PLCB1: variants seen among roughly 807,000 people sequenced by gnomAD.
PLCB1 encodes 1-phosphatidylinositol 4,5-bisphosphate phosphodiesterase beta-1.
In PLCB1, 46 loss-of-function variants were observed where a neutral mutation model predicts 161.8. The observed-to-expected ratio is 0.28, with a 90% confidence interval of 0.22 to 0.36. The LOEUF (loss-of-function observed/expected upper bound fraction) is 0.36, where lower values mean the gene tolerates loss of function less well. Among genes scored for constraint, PLCB1 ranks in the 10% least tolerant of loss-of-function variants. The probability of loss-of-function intolerance (pLI) is 1.00; values close to 1 mark genes in which losing one functional copy is unlikely to be tolerated. For missense variants in PLCB1, 1,016 were observed against 1,472.5 expected (o/e 0.69, Z 5.07); for synonymous variants, 517 against 503.7 (o/e 1.03, Z -0.35).
intron 2 of PLCB1, among the ~76,000 whole-genome samples, chr20:8,340,629 T>G (rs1259339500): frequency 6.6e-6 from 1 of 152,008 alleles, no homozygotes; most frequent in Non-Finnish European, 1.5e-5. Flanking sequence ...TTTCACTGTG[T>G]TAGCCAGGAT....
chr20:8,402,122 A>G (rs1301453125), intron 3 of PLCB1, among the ~76,000 whole-genome samples: 1 of 152,170 alleles, frequency 6.6e-6, no homozygotes, highest in Non-Finnish European at 1.5e-5. Flanking sequence ...GCTTTACAAT[A>G]TATATTACTT....
intron 2 of PLCB1, among the ~76,000 whole-genome samples, chr20:8,329,033 CCTAA>C (rs1285810859): frequency 6.6e-6 from 1 of 152,136 alleles, no homozygotes; most frequent in Admixed American, 6.5e-5. Context: ...ACATGACTTT[CCTAA>C]CTAATTACTA....
chr20:8,458,921 G>A (rs560077913), intron 3 of PLCB1, among the ~76,000 whole-genome samples: 1 of 152,178 alleles, frequency 6.6e-6, no homozygotes, highest in Admixed American at 6.5e-5. Flanking sequence ...ACTTTGAAAT[G>A]TTCAAATCCT....
chr20:8,621,711 C>G (rs889978951), intron 3 of PLCB1, among the ~76,000 whole-genome samples: 1 of 152,134 alleles, frequency 6.6e-6, no homozygotes, highest in Non-Finnish European at 1.5e-5. Context: ...TTTATATAAA[C>G]TGCATCAAAT....
intron 5 of PLCB1, among the ~76,000 whole-genome samples, chr20:8,647,129 C>T (rs768266487): frequency 6.6e-6 from 1 of 152,200 alleles, no homozygotes; most frequent in Non-Finnish European, 1.5e-5. Flanking sequence ...ACTCTTCCTT[C>T]ATGCCTCCAC....
intron 31 of PLCB1, chr20:8,831,167 C>G (rs6056187): frequency 6.6e-6 from 1 of 152,232 alleles, no homozygotes; most frequent in South Asian, 2.1e-4. Context: ...GGTCAAGTCA[C>G]GCAAAAAGAG....
Position 8,722,421 on chromosome 20 carries a change from GGT to G in PLCB1, c.1581+2_1581+3del. ...ACTGTAAAAAATCTTCAATGGATGA[GGT>G]GGGTACTTAGGGCTTCTGGTCCCTA... On this transcript the variant is annotated splice_donor_variant, in intron 15 of 31. Coordinates refer to ENST00000338037, the MANE Select transcript of PLCB1 (RefSeq NM_015192.4). LOFTEE classifies it high-confidence loss of function. 6.2e-7 allele frequency: 1 copy of G among 1,607,930 alleles called. No homozygotes were observed. The highest frequency in any genetic ancestry group is 8.5e-7 in the Non-Finnish European group (1 of 1,177,044).
At chr20:8,694,740 G>T in intron 10 of PLCB1, among the ~76,000 whole-genome samples, 1 of 152,128 alleles carries the variant, frequency 6.6e-6, no homozygotes, top group East Asian at 1.9e-4. Context: ...TTCAGAAATT[G>T]TACAATATGT....
At chr20:8,516,707 A>ATG (rs1195101604) in intron 3 of PLCB1, among the ~76,000 whole-genome samples, 2 of 77,400 alleles carry the variant, frequency 2.6e-5, no homozygotes, top group East Asian at 2.9e-4. Context: ...ATATATATAT[A>ATG]TATGTATTCC....
At chr20:8,467,621 A>G (rs1981875928) in intron 3 of PLCB1, among the ~76,000 whole-genome samples, 1 of 152,140 alleles carries the variant, frequency 6.6e-6, no homozygotes, top group African/African-American at 2.4e-5. Context: ...ATACAGTGTT[A>G]TATTTGAGTT....
intron 31 of PLCB1, among the ~76,000 whole-genome samples, chr20:8,799,772 G>T (rs1984198913): frequency 6.6e-6 from 1 of 152,048 alleles, no homozygotes; most frequent in Non-Finnish European, 1.5e-5. Context: ...CAGATGCTCA[G>T]GTCCTTTATA....
chr20:8,859,400 G>T (rs1987179178), intron 31 of PLCB1, among the ~76,000 whole-genome samples: 2 of 152,174 alleles, frequency 1.3e-5, no homozygotes, highest in Admixed American at 6.5e-5. Context: ...TGTGGATCTT[G>T]TTAATATGCA....
At position 8,629,799 on chromosome 20, in the gene PLCB1, T is replaced by TTTTCTTTCC. The variant is rs1568535788; in HGVS notation, c.384+1376_384+1377insCTTTCTTTC. ...CCTGGTTCCTTCCTTCCTTTCTTTC[T>TTTTCTTTCC]TTTCTTTCTTTTCTTTCTTTTCTTT... On this transcript the variant is annotated intron_variant, in intron 4 of 31. Coordinates refer to ENST00000338037, the MANE Select transcript of PLCB1 (RefSeq NM_015192.4). 4.0e-5 allele frequency among the ~76,000 whole-genome samples: 3 copies of TTTTCTTTCC among 75,172 alleles called. No homozygotes were observed. The Admixed American group carries it at 4.6e-4, about 12-fold the overall frequency. The allele number at this position is 75,172 out of a possible 152,430, so 49.3% of individuals were successfully genotyped here. A position where few individuals can be genotyped will look rare whatever the true frequency, so the allele number is the denominator to read the frequency against.
intron 3 of PLCB1, among the ~76,000 whole-genome samples, chr20:8,531,109 T>C (rs2122917111): frequency 6.6e-6 from 1 of 151,992 alleles, no homozygotes; most frequent in East Asian, 1.9e-4. Flanking sequence ...TTTAGAAAAA[T>C]GAATAGGGTC....
rs755560918 is a variant in PLCB1, at chr20:8,628,416, A to G, written c.369A>G (p.Gln123=). 3.7e-5 allele frequency: 60 copies of G among 1,613,930 alleles called. No individual in the cohort carries two copies. Among genetic ancestry groups the G allele is most frequent in the Non-Finnish European group, 4.9e-5 (58 of 1,179,988 alleles). The part of the protein sequence containing the change: ...NISHLNLVAF[Q]EEVAKEWTNE... ...CCCATTTGAATCTCGTGGCTTTCCA[A>G]GAAGAAGTGGCCAAGGTATGGTGGA... Residue 123 remains glutamine, a synonymous_variant, in exon 4 of 32, where the codon CAA becomes CAG. Coordinates refer to ENST00000338037, the MANE Select transcript of PLCB1 (RefSeq NM_015192.4).
At chr20:8,275,997 AT>A (rs1217009452) in intron 2 of PLCB1, among the ~76,000 whole-genome samples, 1 of 150,076 alleles carries the variant, frequency 6.7e-6, no homozygotes, top group Non-Finnish European at 1.5e-5. Flanking sequence ...GGAAATTTTT[AT>A]TTTTCCTCTT....
At chr20:8,203,088 C>T (rs1001553482) in intron 2 of PLCB1, among the ~76,000 whole-genome samples, 2 of 129,974 alleles carry the variant, frequency 1.5e-5, no homozygotes, top group African/African-American at 7.2e-5. Context: ...GTTGTATGCA[C>T]ACACACGCGC....
rs140050527 is a variant in PLCB1, at chr20:8,394,255, T to C, written c.246+22805T>C. On this transcript the variant is annotated intron_variant, in intron 3 of 31. Transcript: ENST00000338037. ...CTATGGTTTCACATCTTATGACTTA[T>C]ATAAAATTGGTACTACTTGGCCTTT... Among the ~76,000 whole-genome samples, 276 of 152,336 alleles carry C rather than the reference T, an allele frequency of 1.8e-3. 5 individuals are homozygous for C. The highest frequency in any genetic ancestry group is 4.9e-4 in the Non-Finnish European group (33 of 68,032).
intron 2 of PLCB1, among the ~76,000 whole-genome samples, chr20:8,202,744 T>G (rs1978328175): frequency 6.6e-6 from 1 of 152,150 alleles, no homozygotes; most frequent in South Asian, 2.1e-4. Context: ...GGTAGATGGT[T>G]TGCCTGCAAT....
Sources: gnomAD v4.1 joint callset for allele counts (sites outside exome capture counted in the v4.1 genomes callset) on GRCh38, gnomAD v4.1.1 for gene constraint, MANE v1.5 for transcripts, NCBI Gene and HGNC (gene_info 2026-07-23, HGNC 2026-07-21) for gene names.